The following ST6GALNAC3 variants were observed in gnomAD, a reference collection of about 807,000 sequenced individuals.
ST6GALNAC3 encodes alpha-N-acetylgalactosaminide alpha-2,6-sialyltransferase 3.
In ST6GALNAC3, 25 loss-of-function variants were observed where a neutral mutation model predicts 32.7. The ratio of observed to expected loss-of-function variants is 0.76; its 90% CI spans 0.56 to 1.07. The LOEUF (loss-of-function observed/expected upper bound fraction) is 1.07. Among genes scored for constraint, ST6GALNAC3 ranks in the 50% least tolerant of loss-of-function variants. The pLI is 0.00. For missense variants in ST6GALNAC3, 355 were observed against 382.4 expected, an observed-to-expected ratio of 0.93 and a Z score of 0.60; for synonymous variants, 129 against 133.1, an observed-to-expected ratio of 0.97 and a Z score of 0.21.
chr1:76,179,316 C>T (rs979461379), intron 1 of ST6GALNAC3, among the ~76,000 whole-genome samples: 9 of 152,168 alleles, frequency 5.9e-5, no homozygotes, highest in Admixed American at 5.2e-4. Flanking sequence ...CTTCCATTTG[C>T]TGAGGTCAAA....
At chr1:76,328,961 T>G (rs1441926924) in intron 2 of ST6GALNAC3, among the ~76,000 whole-genome samples, 1 of 152,074 alleles carries the variant, frequency 6.6e-6, no homozygotes, top group Non-Finnish European at 1.5e-5. Flanking sequence ...AGGGCATGAG[T>G]CTGTGGTCAA....
chr1:76,229,063 T>G (rs1656222359), intron 1 of ST6GALNAC3, among the ~76,000 whole-genome samples: 1 of 152,236 alleles, frequency 6.6e-6, no homozygotes, highest in Middle Eastern at 3.4e-3. Context: ...ACTGATTATA[T>G]GAATGGACAA....
At chr1:76,271,771 T>C (rs1658856055) in intron 1 of ST6GALNAC3, among the ~76,000 whole-genome samples, 1 of 152,150 alleles carries the variant, frequency 6.6e-6, no homozygotes, top group Admixed American at 6.5e-5. Context: ...TGGAGACCTG[T>C]CAGGAACCCA....
chr1:76,242,293 C>G (rs1053421920), intron 1 of ST6GALNAC3, among the ~76,000 whole-genome samples: 1 of 151,828 alleles, frequency 6.6e-6, no homozygotes, highest in African/African-American at 2.4e-5. Context: ...AAGGAAAACC[C>G]TGGGGGAGAG....
At chr1:76,280,142 C>T (rs1303691882) in intron 1 of ST6GALNAC3, among the ~76,000 whole-genome samples, 2 of 152,090 alleles carry the variant, frequency 1.3e-5, no homozygotes, top group African/African-American at 4.8e-5. Flanking sequence ...CCTGTTCTGT[C>T]CTCTCTTCCA....
At chr1:76,118,373 A>T (rs1209721012) in intron 1 of ST6GALNAC3, among the ~76,000 whole-genome samples, 1 of 152,208 alleles carries the variant, frequency 6.6e-6, no homozygotes, top group Non-Finnish European at 1.5e-5. Context: ...AAATGTACCT[A>T]TCCATATCTT....
intron 1 of ST6GALNAC3, among the ~76,000 whole-genome samples, chr1:76,078,833 T>G (rs985307602): frequency 6.6e-6 from 1 of 152,040 alleles, no homozygotes; most frequent in Non-Finnish European, 1.5e-5. Context: ...CAGGCTGGAG[T>G]GCAGTGGCGT....
At chr1:76,195,738 A>C (rs186304070) in intron 1 of ST6GALNAC3, among the ~76,000 whole-genome samples, 3 of 152,350 alleles carry the variant, frequency 2.0e-5, no homozygotes, top group Non-Finnish European at 4.4e-5. Context: ...GTAAGGTCTT[A>C]GGGAGCTCCT....
intron 1 of ST6GALNAC3, among the ~76,000 whole-genome samples, chr1:76,231,401 G>C (rs966034748): frequency 2.0e-5 from 3 of 152,176 alleles, no homozygotes; most frequent in African/African-American, 7.2e-5. Context: ...CAATTCAGCA[G>C]TATTAAGTAT....
chr1:76,211,072 T>G (rs1655128089), intron 1 of ST6GALNAC3, among the ~76,000 whole-genome samples: 1 of 152,242 alleles, frequency 6.6e-6, no homozygotes, highest in Non-Finnish European at 1.5e-5. Context: ...TAGGGCCCCA[T>G]GCTTATGACC....
intron 3 of ST6GALNAC3, among the ~76,000 whole-genome samples, chr1:76,416,924 C>G (rs1654682760): frequency 6.6e-6 from 1 of 151,930 alleles, no homozygotes; most frequent in Non-Finnish European, 1.5e-5. Flanking sequence ...CCACGCCCGG[C>G]CAGCATTGTG....
intron 1 of ST6GALNAC3, among the ~76,000 whole-genome samples, chr1:76,280,873 C>A (rs1462326370): frequency 6.6e-6 from 1 of 152,168 alleles, no homozygotes; most frequent in Non-Finnish European, 1.5e-5. Context: ...TACATGAAAT[C>A]TCCTAAAATA....
intron 3 of ST6GALNAC3, among the ~76,000 whole-genome samples, chr1:76,442,910 G>T (rs540390755): frequency 1.3e-5 from 2 of 152,254 alleles, no homozygotes; most frequent in South Asian, 2.1e-4. Flanking sequence ...TCACACGTAG[G>T]ACTGATAAGG....
intron 3 of ST6GALNAC3, among the ~76,000 whole-genome samples, chr1:76,418,760 G>A (rs1654820871): frequency 6.6e-6 from 1 of 151,914 alleles, no homozygotes. Context: ...AGCAGTCATG[G>A]GCAGATCCAT....
chr1:76,377,540 C>T (rs535137749), intron 2 of ST6GALNAC3, among the ~76,000 whole-genome samples: 4 of 152,006 alleles, frequency 2.6e-5, no homozygotes, highest in Non-Finnish European at 2.9e-5. Context: ...ATGAGAACAG[C>T]AAGGGGGAAG....
At chr1:76,476,948 C>T (rs375666336) in intron 3 of ST6GALNAC3, among the ~76,000 whole-genome samples, 1 of 152,058 alleles carries the variant, frequency 6.6e-6, no homozygotes, top group Non-Finnish European at 1.5e-5. Context: ...TGTGTTGTGC[C>T]TTGGCATCTG....
intron 1 of ST6GALNAC3, among the ~76,000 whole-genome samples, chr1:76,076,442 CT>C (rs1474049744): frequency 3.3e-5 from 5 of 152,212 alleles, no homozygotes; most frequent in Non-Finnish European, 7.3e-5. Flanking sequence ...GGGCTTTAGA[CT>C]CAGAAAGATA....
chr1:76,339,506 T>A (rs1214603357), intron 2 of ST6GALNAC3, among the ~76,000 whole-genome samples: 1 of 152,174 alleles, frequency 6.6e-6, no homozygotes, highest in Admixed American at 6.5e-5. Context: ...GTGATCTCCA[T>A]AACTGTAAGA....
intron 1 of ST6GALNAC3, among the ~76,000 whole-genome samples, chr1:76,095,876 C>T (rs930255660): frequency 1.3e-5 from 2 of 152,122 alleles, no homozygotes; most frequent in East Asian, 1.9e-4. Flanking sequence ...GTCTTGTAAA[C>T]GTGTGCAGCC....
Sources: allele counts gnomAD v4.1 joint callset (sites outside exome capture counted in the v4.1 genomes callset), GRCh38; gene constraint gnomAD v4.1.1; transcripts MANE v1.5; gene names NCBI Gene and HGNC (gene_info 2026-07-23, HGNC 2026-07-21).